SYNE1: variants seen among roughly 807,000 people sequenced by gnomAD.
The protein encoded by SYNE1 is nesprin-1.
In SYNE1, 616 loss-of-function variants were observed where a neutral mutation model predicts 1,111.0. The observed-to-expected ratio is 0.55, with a 90% CI of 0.52 to 0.59. SYNE1 has a LOEUF of 0.59. Ranked by LOEUF, SYNE1 falls within the 20% of genes least tolerant of loss-of-function variation. SYNE1 has a pLI of 0.00. For missense variants in SYNE1, 10,006 were observed against 10,417.0 expected (o/e 0.96, Z 1.72); for synonymous variants, 3,855 against 3,825.8 (o/e 1.01, Z -0.28).
chr6:152,211,054 A>C (rs2077433250), intron 124 of SYNE1, among the ~76,000 whole-genome samples: 1 of 152,180 alleles, frequency 6.6e-6, no homozygotes, highest in Non-Finnish European at 1.5e-5. Context: ...TGGTCAAATC[A>C]GTTCACATTT....
At chr6:152,295,605 G>A (rs2094832532) in intron 93 of SYNE1, among the ~76,000 whole-genome samples, 1 of 151,254 alleles carries the variant, frequency 6.6e-6, no homozygotes, top group Admixed American at 6.6e-5. Flanking sequence ...ATGCATGTGT[G>A]TGTGTTACTG....
chr6:152,326,372 G>C lies in SYNE1; in HGVS notation c.15217C>G (p.Gln5073Glu). 1 of 1,614,184 alleles carries C rather than the reference G, an allele frequency of 6.2e-7. No homozygotes were observed. The highest frequency in any genetic ancestry group is 1.1e-5 in the South Asian group (1 of 91,074). ...CTGAGTTCCAGAGAAGCCACTTTCT[G>C]TTCTAGGTCTTCTTTGCCGGTTGGC... ...IKPTGKEDLEQKVASLELRSQ... is the reference protein window; with the variant it reads ...IKPTGKEDLEEKVASLELRSQ... Residue 5073 changes from glutamine (Q) to glutamate (E), a missense_variant, in exon 79 of 146, where the codon CAG (glutamine) becomes GAG (glutamate). Gln to Glu is a conservative substitution (Grantham distance 29). Coordinates refer to ENST00000367255, the MANE Select transcript of SYNE1 (RefSeq NM_182961.4).
chr6:152,600,723 G>A (rs370233767), intron 3 of SYNE1, among the ~76,000 whole-genome samples: 1 of 152,130 alleles, frequency 6.6e-6, no homozygotes, highest in South Asian at 2.1e-4. Flanking sequence ...GATGTTCAGA[G>A]AAACGAAGAG....
intron 55 of SYNE1, 82 bp downstream of exon 55, chr6:152,385,590 CAG>C: frequency 6.7e-7 from 1 of 1,490,304 alleles, no homozygotes; most frequent in African/African-American, 1.4e-5. Context: ...TTTTAAATAA[CAG>C]AATCTTATCT....
chr6:152,576,087 T>G (rs1407484), intron 3 of SYNE1, among the ~76,000 whole-genome samples: 106,439 of 152,164 alleles, frequency 0.7, 38,346 homozygotes, highest in African/African-American at 0.87. Flanking sequence ...TCCTGCTGTG[T>G]TTTTTCAAAA....
intron 130 of SYNE1, 109 bp downstream of exon 130, chr6:152,176,285 A>T (rs1196876813): frequency 6.7e-7 from 1 of 1,485,680 alleles, no homozygotes; most frequent in African/African-American, 1.4e-5. Context: ...TGGTGAGATA[A>T]CCCAGGAAGA....
rs1398507790 is a variant in SYNE1, at chr6:152,196,300, A to T, written c.23145+5524T>A. ...GTTGCTATGCTGGTACCTAAGTTAC[A>T]AGACAAAGTCCCCTTTGTTCTTGCC... On this transcript the variant is annotated intron_variant, in intron 127 of 145. Coordinates refer to ENST00000367255, the MANE Select transcript of SYNE1 (RefSeq NM_182961.4). Among the ~76,000 whole-genome samples the T allele has an allele frequency of 2.6e-5, 4 of 152,112 alleles. No homozygotes were observed. In the East Asian group the frequency reaches 7.8e-4, roughly 29 times the overall value.
intron 105 of SYNE1, among the ~76,000 whole-genome samples, chr6:152,245,690 G>A (rs1181928163): frequency 6.6e-6 from 1 of 152,128 alleles, no homozygotes; most frequent in Non-Finnish European, 1.5e-5. Context: ...TAAACCAGTG[G>A]AGGATCTCCA....
chr6:152,382,613 T>C (rs1001114608), intron 55 of SYNE1, among the ~76,000 whole-genome samples: 3 of 152,198 alleles, frequency 2.0e-5, no homozygotes, highest in African/African-American at 7.2e-5. Context: ...AGCAGGATTC[T>C]AAAAACCATC....
chr6:152,387,707 A>G (rs2097546286), intron 53 of SYNE1, among the ~76,000 whole-genome samples: 1 of 152,226 alleles, frequency 6.6e-6, no homozygotes, highest in South Asian at 2.1e-4. Flanking sequence ...TCAGCATGGG[A>G]ACATCAATGA....
chr6:152,354,023 C>T (rs2096790887), intron 67 of SYNE1, among the ~76,000 whole-genome samples: 1 of 152,088 alleles, frequency 6.6e-6, no homozygotes, highest in African/African-American at 2.4e-5. Flanking sequence ...GCCTGTAGTC[C>T]CAGCTGCTTG....
At chr6:152,151,067 C>T (rs1200531443) in intron 135 of SYNE1, among the ~76,000 whole-genome samples, 4 of 151,796 alleles carry the variant, frequency 2.6e-5, no homozygotes, top group African/African-American at 4.8e-5. Context: ...TACAAAAATA[C>T]AAAAATTTGC....
At chr6:152,430,236 T>C in intron 35 of SYNE1, 26 bp from the exon 36 acceptor site, 1 of 1,556,492 alleles carries the variant, frequency 6.4e-7, no homozygotes, top group East Asian at 2.3e-5. Context: ...AATATAAAAA[T>C]AACAGTGGGA....
intron 3 of SYNE1, among the ~76,000 whole-genome samples, chr6:152,548,264 C>A (rs1439161637): frequency 6.6e-6 from 1 of 152,190 alleles, no homozygotes; most frequent in South Asian, 2.1e-4. Flanking sequence ...GAGACTGGAA[C>A]CACAACTTTG....
At chr6:152,292,344 G>A (rs1157545029) in intron 95 of SYNE1, among the ~76,000 whole-genome samples, 2 of 152,124 alleles carry the variant, frequency 1.3e-5, no homozygotes, top group Non-Finnish European at 2.9e-5. Context: ...AGCATCCTCT[G>A]CAAATGTGGC....
Position 152,234,809 on chromosome 6 carries a change from T to A in SYNE1, c.20397-9A>T. The A allele has an allele frequency of 6.2e-7, 1 of 1,614,062 alleles. No individual in the cohort carries two copies. The highest frequency in any genetic ancestry group is 8.5e-7 in the Non-Finnish European group (1 of 1,179,946). ...CAGATTCACTTTGATATCTGTTAAGTATATTATGGAGTCCATTAAGTAAAC... is the reference window on the plus strand; with the variant it reads ...CAGATTCACTTTGATATCTGTTAAGAATATTATGGAGTCCATTAAGTAAAC... On this transcript the variant is annotated splice_polypyrimidine_tract_variant and intron_variant, in intron 110 of 145. Transcript: ENST00000367255.
intron 128 of SYNE1, among the ~76,000 whole-genome samples, chr6:152,187,910 G>C (rs1386330007): frequency 6.6e-6 from 1 of 152,120 alleles, no homozygotes; most frequent in Non-Finnish European, 1.5e-5. Flanking sequence ...ATTTTTAGTA[G>C]AGACAGGGTT....
At chr6:152,390,258 A>T in intron 53 of SYNE1, 22 bp downstream of exon 53, 1 of 1,613,656 alleles carries the variant, frequency 6.2e-7, no homozygotes, top group Non-Finnish European at 8.5e-7. Context: ...ACTTAAACAA[A>T]CTCTAAAAAT....
Position 152,331,459 on chromosome 6 carries a change from TCTG to T in SYNE1, c.13223_13225del (p.Ala4408del). ...GAGACCAAGATCTGCCATGACCCTG[TCTG>T]CGTCCTTTATAAGCGATTTCAGGAG... On this transcript the variant is annotated inframe_deletion, in exon 78 of 146. Transcript: ENST00000367255. The T allele has an allele frequency of 6.2e-7, 1 of 1,614,184 alleles. No homozygotes were observed. The highest frequency in any genetic ancestry group is 8.5e-7 in the Non-Finnish European group (1 of 1,180,034).
Sources: allele counts gnomAD v4.1 joint callset (sites outside exome capture counted in the v4.1 genomes callset), GRCh38; gene constraint gnomAD v4.1.1; transcripts MANE v1.5; gene names NCBI Gene and HGNC (gene_info 2026-07-23, HGNC 2026-07-21).